The following PHF2 variants were observed in gnomAD, a reference collection of about 807,000 sequenced individuals.
PHF2 encodes the protein lysine-specific demethylase PHF2.
In PHF2, 27 loss-of-function variants were observed where a neutral mutation model predicts 120.5. The observed-to-expected ratio is 0.22, with a 90% CI of 0.17 to 0.31. PHF2 has a LOEUF of 0.31. Ranked by LOEUF, PHF2 falls within the 10% of genes least tolerant of loss-of-function variation. PHF2 has a pLI of 1.00. For missense variants in PHF2, 1,024 were observed against 1,434.8 expected (o/e 0.71, Z 4.63); for synonymous variants, 568 against 592.5 (o/e 0.96, Z 0.60).
intron 12 of PHF2, 87 bp downstream of exon 12, chr9:93,660,647 GC>G: frequency 7.7e-7 from 1 of 1,299,684 alleles, no homozygotes; most frequent in Non-Finnish European, 1.0e-6. Context: ...GATAGCTAGG[GC>G]CCATTGTCCT....
At chr9:93,655,867 C>A in intron 7 of PHF2, 67 bp from the exon 8 acceptor site, 1 of 1,208,856 alleles carries the variant, frequency 8.3e-7, no homozygotes, top group Non-Finnish European at 1.2e-6. Context: ...GCTCCCTGAT[C>A]TAGAGCCATG....
At chr9:93,645,835 T>C (rs1587703236) in intron 4 of PHF2, 46 bp downstream of exon 4, 4 of 1,525,532 alleles carry the variant, frequency 2.6e-6, no homozygotes, top group East Asian at 4.6e-5. Flanking sequence ...GAGCTGGGAG[T>C]GCTGGGACAC....
intron 1 of PHF2, among the ~76,000 whole-genome samples, chr9:93,596,768 T>G (rs1443845823): frequency 6.6e-6 from 1 of 151,720 alleles, no homozygotes; most frequent in Non-Finnish European, 1.5e-5. Flanking sequence ...TTGTTTTTTG[T>G]TTTTTGTTTT....
chr9:93,653,085 C>A, intron 5 of PHF2, 94 bp from the exon 6 acceptor site: 2 of 1,151,226 alleles, frequency 1.7e-6, no homozygotes, highest in Non-Finnish European at 1.2e-6. Context: ...GGTGAGAGAG[C>A]GTGGGACATG....
At chr9:93,666,263 C>T (rs569752202) in intron 16 of PHF2, among the ~76,000 whole-genome samples, 30 of 152,052 alleles carry the variant, frequency 2.0e-4, no homozygotes, top group Non-Finnish European at 3.4e-4. Context: ...TCTGCCTGGG[C>T]GTGCGAGGGG....
rs545791397 is a variant in PHF2 at position 93,605,720 on chromosome 9, A to G, written c.99-24250A>G. 3.3e-5 allele frequency among the ~76,000 whole-genome samples: 5 copies of G among 152,138 alleles called. No homozygotes were observed. The South Asian group carries it at 6.2e-4, about 19-fold the overall frequency. ...TAGTAATATACGTTTAAGACTCTTC[A>G]TGTTTTTTTCATGACCTGATAGTTC... On this transcript the variant is annotated intron_variant, in intron 1 of 21. Coordinates refer to ENST00000359246, the MANE Select transcript of PHF2 (RefSeq NM_005392.4).
intron 2 of PHF2, among the ~76,000 whole-genome samples, chr9:93,632,462 A>G (rs569173934): frequency 2.0e-5 from 3 of 152,260 alleles, no homozygotes; most frequent in Admixed American, 6.5e-5. Flanking sequence ...AGTAATAGAA[A>G]ATTTATTTCT....
chr9:93,647,377 A>G (rs1826279851), intron 4 of PHF2, among the ~76,000 whole-genome samples: 1 of 152,040 alleles, frequency 6.6e-6, no homozygotes, highest in Middle Eastern at 3.2e-3. Flanking sequence ...TGTTCCCTCC[A>G]CAGCTGTCCC....
intron 1 of PHF2, among the ~76,000 whole-genome samples, chr9:93,623,525 C>G (rs1241042905): frequency 6.6e-6 from 1 of 152,166 alleles, no homozygotes; most frequent in Non-Finnish European, 1.5e-5. Flanking sequence ...GGGCAGACAC[C>G]CTTATAAACT....
At chr9:93,597,117 G>A (rs1436618519) in intron 1 of PHF2, among the ~76,000 whole-genome samples, 2 of 152,018 alleles carry the variant, frequency 1.3e-5, no homozygotes, top group African/African-American at 2.4e-5. Flanking sequence ...TTTTAGTAGA[G>A]ACGGGGTTTC....
chr9:93,619,483 C>T (rs7857266), intron 1 of PHF2, among the ~76,000 whole-genome samples: 56,909 of 152,170 alleles, frequency 0.37, 10,963 homozygotes, highest in Non-Finnish European at 0.4. Flanking sequence ...AAGAAGGCGA[C>T]TCGTGGGGTG....
At chr9:93,616,936 A>G (rs1206402871) in intron 1 of PHF2, among the ~76,000 whole-genome samples, 1 of 152,150 alleles carries the variant, frequency 6.6e-6, no homozygotes, top group African/African-American at 2.4e-5. Flanking sequence ...GATTACAGGT[A>G]TGAGCCACTG....
chr9:93,653,897 G>A (rs921215648), intron 6 of PHF2, among the ~76,000 whole-genome samples: 4 of 152,226 alleles, frequency 2.6e-5, no homozygotes, highest in Non-Finnish European at 5.9e-5. Flanking sequence ...GGATCTGGGG[G>A]CGGGCAGGTG....
chr9:93,625,123 C>T (rs528526251), intron 1 of PHF2, among the ~76,000 whole-genome samples: 1 of 152,304 alleles, frequency 6.6e-6, no homozygotes, highest in African/African-American at 2.4e-5. Flanking sequence ...ACAGTAACTC[C>T]TCATTCCTCT....
intron 3 of PHF2, among the ~76,000 whole-genome samples, chr9:93,639,751 AC>A (rs1205746508): frequency 6.6e-6 from 1 of 152,190 alleles, no homozygotes; most frequent in Non-Finnish European, 1.5e-5. Context: ...CTTGCTGCAG[AC>A]GTAAACTCAG....
chr9:93,661,024 T>G (rs1022914694), intron 12 of PHF2, among the ~76,000 whole-genome samples: 29 of 130,692 alleles, frequency 2.2e-4, no homozygotes, highest in Non-Finnish European at 4.1e-4. Context: ...ACATTGAGGT[T>G]GAAACCTGAA....
chr9:93,652,612 A>G (rs1277292633), intron 5 of PHF2, among the ~76,000 whole-genome samples: 1 of 152,134 alleles, frequency 6.6e-6, no homozygotes, highest in African/African-American at 2.4e-5. Context: ...TTTTGATGAA[A>G]TTTAACACGT....
chr9:93,636,397 G>T lies in PHF2; in HGVS notation c.185-14G>T. The T allele has an allele frequency of 1.9e-6, 3 of 1,590,630 alleles. No individual in the cohort carries two copies. The highest frequency in any genetic ancestry group is 1.8e-5 in the Admixed American group (1 of 56,288). ...GCGCTGTGTGACCGACCTTGCTTCC[G>T]GTCTCCTCCACAGTAAAGAAGAAGC... is the stretch of plus-strand genomic sequence containing the variant. On this transcript the variant is annotated splice_polypyrimidine_tract_variant and intron_variant, in intron 2 of 21. Transcript: ENST00000359246.
chr9:93,646,119 G>A (rs892816274), intron 4 of PHF2, among the ~76,000 whole-genome samples: 2 of 152,222 alleles, frequency 1.3e-5, no homozygotes, highest in Middle Eastern at 3.2e-3. Flanking sequence ...GGCCCTGGTG[G>A]TGCGGGCCCA....
Sources: gnomAD v4.1 joint callset for allele counts (sites outside exome capture counted in the v4.1 genomes callset) on GRCh38, gnomAD v4.1.1 for gene constraint, MANE v1.5 for transcripts, NCBI Gene and HGNC (gene_info 2026-07-23, HGNC 2026-07-21) for gene names.